The following SNCG variants were observed in gnomAD, a reference collection of about 807,000 sequenced individuals.
The protein encoded by SNCG is gamma-synuclein.
In SNCG, 13 loss-of-function variants were observed where a neutral mutation model predicts 16.0. That is an observed-to-expected ratio of 0.81 (90% confidence interval 0.53 to 1.29). The LOEUF is 1.29. SNCG is among the 50% of genes most tolerant of loss of function. The probability of loss-of-function intolerance (pLI) is 0.00; values close to 1 mark genes in which losing one functional copy is unlikely to be tolerated. For missense variants in SNCG, 154 were observed against 168.5 expected, an observed-to-expected ratio of 0.91 and a Z score of 0.48; for synonymous variants, 66 against 66.3, an observed-to-expected ratio of 1.00 and a Z score of 0.02.
chr10:86,956,112 C>T (rs914602558), upstream of SNCG, among the ~76,000 whole-genome samples: 6 of 152,028 alleles, frequency 3.9e-5, no homozygotes, highest in Non-Finnish European at 7.4e-5. Context: ...GAAATCAGAG[C>T]GGAGTGGCTG....
At chr10:86,958,591 G>C (rs1007616896), upstream of SNCG, 1 of 1,555,670 alleles carries the variant, frequency 6.4e-7, no homozygotes, top group Admixed American at 1.9e-5. Flanking sequence ...TCAATAGGAG[G>C]CATCGGGGAC....
chr10:86,958,962 C>T, intron 1 of SNCG, 144 bp downstream of exon 1: 1 of 848,050 alleles, frequency 1.2e-6, no homozygotes, highest in Non-Finnish European at 1.8e-6. Context: ...TCTCCAGACC[C>T]TGGAGCACCC....
chr10:86,962,299 C>T lies in SNCG; in HGVS notation c.292-305C>T, dbSNP rs1372289001. Among the ~76,000 whole-genome samples the T allele has an allele frequency of 2.0e-5, 3 of 152,174 alleles. No individual in the cohort carries two copies. In the East Asian group the frequency reaches 5.8e-4, roughly 29 times the overall value. The stretch of plus-strand genomic sequence containing the variant: ...CTGCCCACTCTAACCCCCACTCCAC[C>T]CTACCCCACCCAGGTTCCTCATCAG... On this transcript the variant is annotated intron_variant, in intron 3 of 4. Coordinates refer to ENST00000372017, the MANE Select transcript of SNCG (RefSeq NM_003087.3).
At chr10:86,961,943 G>A (rs1170468976) in intron 3 of SNCG, among the ~76,000 whole-genome samples, 1 of 152,226 alleles carries the variant, frequency 6.6e-6, no homozygotes, top group African/African-American at 2.4e-5. Flanking sequence ...TACACACCCA[G>A]CTGTCATGAT....
intron 4 of SNCG, 57 bp downstream of exon 4, chr10:86,962,732 C>T: frequency 3.5e-6 from 5 of 1,420,700 alleles, no homozygotes; most frequent in Non-Finnish European, 3.9e-6. Flanking sequence ...GGACCCCATC[C>T]CCCACAGACG....
chr10:86,958,949 G>A, intron 1 of SNCG, 131 bp downstream of exon 1: 1 of 1,004,644 alleles, frequency 1.0e-6, no homozygotes, highest in Non-Finnish European at 1.5e-6. Flanking sequence ...TATCAAGGTG[G>A]GGTCTCCAGA....
upstream of SNCG, chr10:86,958,277 G>C (rs892507776): frequency 4.1e-6 from 4 of 980,694 alleles, no homozygotes; most frequent in Admixed American, 1.8e-4. Flanking sequence ...GTCTGTCCAG[G>C]TGCAGCATAG....
chr10:86,958,497 T>TTCCAACCAA, upstream of SNCG: 2 of 1,098,142 alleles, frequency 1.8e-6, no homozygotes, highest in Non-Finnish European at 2.3e-6. Context: ...TGAACCTCCT[T>TTCCAACCAA]CCCTCCCTCC....
upstream of SNCG, chr10:86,957,734 GGCC>G: frequency 7.3e-7 from 1 of 1,366,478 alleles, no homozygotes; most frequent in Non-Finnish European, 9.5e-7. Context: ...GCCCCACAGG[GGCC>G]GCCAACCACA....
Position 86,958,807 on chromosome 10 carries a change from T to A in SNCG, c.110T>A (p.Val37Asp). The change falls in exon 1 of 5, where the codon GTC becomes GAC. Residue 37 changes from valine to aspartate, a missense_variant. Transcript: ENST00000372017. ...TEAAEKTKEG[V>D]MYVGAKTKEN... ...GCAGCTGAGAAGACCAAGGAGGGGG[T>A]CATGTATGTGGGTAAGTGGGGCATG... The A allele has an allele frequency of 6.2e-7, 1 of 1,607,600 alleles. No individual in the cohort carries two copies. Among genetic ancestry groups the A allele is most frequent in the Non-Finnish European group, 8.5e-7 (1 of 1,176,852 alleles).
At position 86,959,746 on chromosome 10, in the gene SNCG, C is replaced by A; in HGVS notation, c.163+72C>A. 1.4e-6 allele frequency: 2 copies of A among 1,452,396 alleles called. No individual in the cohort carries two copies. The highest frequency in any genetic ancestry group is 1.9e-6 in the Non-Finnish European group (2 of 1,067,970). The allele number at this position is 1,452,396 out of a possible 1,614,324, so 90.0% of individuals were successfully genotyped here. On this transcript the variant is annotated intron_variant, in intron 2 of 4. Coordinates refer to ENST00000372017, the MANE Select transcript of SNCG (RefSeq NM_003087.3). This position sits in a 1 kb window ranked among gnomAD's most constrained non-coding sequence, Gnocchi z 4.3. ...GGGCTCCTGCATCCTAGTGCTGGGG[C>A]TCAAACCTAGAGTCCTGCCTTACCC...
chr10:86,958,680 C>T lies in SNCG; in HGVS notation c.-18C>T. 1.2e-6 allele frequency: 2 copies of T among 1,613,772 alleles called. No individual in the cohort carries two copies. The highest frequency in any genetic ancestry group is 2.2e-5 in the South Asian group (2 of 91,060). On this transcript the variant is annotated 5_prime_UTR_variant, in exon 1 of 5. Transcript: ENST00000372017. The stretch of plus-strand genomic sequence containing the variant: ...CAGCTCCGTCCTGCCTGCAGCAGCA[C>T]AACCCTGCACACCCACCATGGATGT...
upstream of SNCG, chr10:86,957,404 C>T: frequency 6.2e-7 from 1 of 1,613,584 alleles, no homozygotes; most frequent in South Asian, 1.1e-5. Context: ...TGCCGGTGTC[C>T]TCAGCCTCTG....
chr10:86,960,544 C>T (rs192958582), intron 3 of SNCG, among the ~76,000 whole-genome samples: 32 of 152,270 alleles, frequency 2.1e-4, no homozygotes, highest in Non-Finnish European at 4.0e-4. Flanking sequence ...GCCTCCCTCC[C>T]TGGGCTGGGC....
chr10:86,963,076 A>G lies in SNCG; in HGVS notation c.*91A>G, dbSNP rs1158211625. On this transcript the variant is annotated 3_prime_UTR_variant, in exon 5 of 5. Coordinates refer to ENST00000372017, the MANE Select transcript of SNCG (RefSeq NM_003087.3). ...GCACAAGGAGTGCCCGCCTTGAGTGACATGCGGCTGCCCACGCTCCTGCCC... is the reference window on the plus strand; with the variant it reads ...GCACAAGGAGTGCCCGCCTTGAGTGGCATGCGGCTGCCCACGCTCCTGCCC... The G allele has an allele frequency of 1.5e-6, 2 of 1,347,590 alleles. No individual in the cohort carries two copies. Among genetic ancestry groups the G allele is most frequent in the East Asian group, 5.0e-5 (2 of 39,916 alleles). 83.5% of individuals were successfully genotyped at this position (1,347,590 alleles called of 1,614,324 possible). A position where few individuals can be genotyped will look rare whatever the true frequency, so the allele number is the denominator to read the frequency against.
chr10:86,956,296 C>T (rs966161509), upstream of SNCG, among the ~76,000 whole-genome samples: 1 of 152,172 alleles, frequency 6.6e-6, no homozygotes, highest in African/African-American at 2.4e-5. Context: ...CACTAAGGGG[C>T]CTCTTGCCCC....
At chr10:86,957,425 C>T, upstream of SNCG, 1 of 1,613,764 alleles carries the variant, frequency 6.2e-7, no homozygotes. Context: ...CCTTCCAGAC[C>T]CCAGGTGTCC....
At chr10:86,958,321 A>C, upstream of SNCG, 1 of 985,378 alleles carries the variant, frequency 1.0e-6, no homozygotes, top group Non-Finnish European at 1.2e-6. Flanking sequence ...GCACCCAGCC[A>C]GGGCTGCCCC....
chr10:86,961,464 T>C (rs1235487686), intron 3 of SNCG, among the ~76,000 whole-genome samples: 1 of 151,966 alleles, frequency 6.6e-6, no homozygotes, highest in South Asian at 2.1e-4. Context: ...CATCATCATG[T>C]GTCCCAGGCA....
Sources: gnomAD v4.1 joint callset for allele counts (sites outside exome capture counted in the v4.1 genomes callset) on GRCh38, gnomAD v4.1.1 for gene constraint, Gnocchi (gnomAD v3.1) non-coding constraint, MANE v1.5 for transcripts, NCBI Gene and HGNC (gene_info 2026-07-23, HGNC 2026-07-21) for gene names.